GRIN2B: variants seen among roughly 807,000 people sequenced by gnomAD.
The protein encoded by GRIN2B is glutamate receptor ionotropic, NMDA 2B.
GRIN2B carries 5 observed loss-of-function variants against 114.5 expected under a neutral mutation model. The ratio of observed to expected loss-of-function variants is 0.04; its 90% CI spans 0.02 to 0.09. GRIN2B has a LOEUF of 0.09. Among genes scored for constraint, GRIN2B ranks in the 10% least tolerant of loss-of-function variants. GRIN2B has a pLI of 1.00. For missense variants in GRIN2B, 1,108 were observed against 1,943.5 expected (o/e 0.57, Z 8.08); for synonymous variants, 787 against 745.1 (o/e 1.06, Z -0.92).
chr12:13,868,067 A>G (rs1052410089), intron 2 of GRIN2B, among the ~76,000 whole-genome samples: 1 of 152,174 alleles, frequency 6.6e-6, no homozygotes, highest in Non-Finnish European at 1.5e-5. Flanking sequence ...TTGTGGCTGA[A>G]GAAGCACAAA....
At chr12:13,849,246 G>A (rs776110094) in intron 3 of GRIN2B, among the ~76,000 whole-genome samples, 18 of 152,226 alleles carry the variant, frequency 1.2e-4, no homozygotes, top group East Asian at 5.8e-4. Context: ...AGAGCAGCCC[G>A]GTCTTGAGTC....
At chr12:13,833,518 A>C (rs1159812634) in intron 3 of GRIN2B, among the ~76,000 whole-genome samples, 3 of 152,184 alleles carry the variant, frequency 2.0e-5, no homozygotes, top group African/African-American at 7.2e-5. Flanking sequence ...TGTTCTCATT[A>C]GTTTTCCTGA....
At chr12:13,636,493 G>A (rs1328225875) in intron 5 of GRIN2B, among the ~76,000 whole-genome samples, 3 of 152,194 alleles carry the variant, frequency 2.0e-5, no homozygotes, top group African/African-American at 7.2e-5. Flanking sequence ...CAAAAGACAA[G>A]GGAACAGGTG....
intron 4 of GRIN2B, 69 bp from the exon 5 acceptor site, chr12:13,675,928 A>G (rs1302082237): frequency 7.0e-6 from 6 of 862,132 alleles, no homozygotes; most frequent in African/African-American, 3.3e-5. Flanking sequence ...GCAGTCAGGT[A>G]TATAGAGAGA....
At chr12:13,894,267 G>C (rs1222535655) in intron 2 of GRIN2B, among the ~76,000 whole-genome samples, 57 of 152,070 alleles carry the variant, frequency 3.7e-4, no homozygotes, top group Non-Finnish European at 1.5e-5. Flanking sequence ...GGCAGAAAAA[G>C]CTTTATATAC....
intron 4 of GRIN2B, among the ~76,000 whole-genome samples, chr12:13,708,508 C>T (rs1027152135): frequency 5.3e-5 from 8 of 152,050 alleles, no homozygotes; most frequent in South Asian, 4.1e-4. Context: ...AGACCAACTG[C>T]CCCATGAAAT....
At chr12:13,599,635 G>A (rs1219527206) in intron 10 of GRIN2B, among the ~76,000 whole-genome samples, 2 of 152,112 alleles carry the variant, frequency 1.3e-5, no homozygotes, top group Non-Finnish European at 2.9e-5. Flanking sequence ...TAATTTTTTT[G>A]TTATTAATCA....
At chr12:13,728,866 T>G (rs1047542874) in intron 4 of GRIN2B, among the ~76,000 whole-genome samples, 1 of 152,204 alleles carries the variant, frequency 6.6e-6, no homozygotes, top group Non-Finnish European at 1.5e-5. Context: ...ATAATCACTT[T>G]CTTACTCATT....
intron 4 of GRIN2B, among the ~76,000 whole-genome samples, chr12:13,750,923 G>A (rs1863474138): frequency 6.6e-6 from 1 of 152,192 alleles, no homozygotes; most frequent in Non-Finnish European, 1.5e-5. Context: ...AGTACAAGAT[G>A]TAGTGAAGGC....
intron 3 of GRIN2B, among the ~76,000 whole-genome samples, chr12:13,815,008 C>T (rs1864790989): frequency 6.6e-6 from 1 of 152,056 alleles, no homozygotes; most frequent in South Asian, 2.1e-4. Context: ...TTTGTTTATA[C>T]TGTATCTTTG....
At chr12:13,661,041 G>C (rs1448014607) in intron 5 of GRIN2B, among the ~76,000 whole-genome samples, 1 of 152,154 alleles carries the variant, frequency 6.6e-6, no homozygotes, top group Non-Finnish European at 1.5e-5. Flanking sequence ...TTCTGGCCCT[G>C]CCTTCATTTC....
At chr12:13,660,564 A>G (rs555657848) in intron 5 of GRIN2B, among the ~76,000 whole-genome samples, 2 of 152,302 alleles carry the variant, frequency 1.3e-5, no homozygotes, top group East Asian at 3.9e-4. Flanking sequence ...GAAAAGCAGA[A>G]ACACCACTGG....
intron 2 of GRIN2B, among the ~76,000 whole-genome samples, chr12:13,928,172 G>A (rs572256502): frequency 5.1e-4 from 78 of 151,670 alleles, no homozygotes; most frequent in African/African-American, 1.7e-3. Context: ...TTTGCCAGGC[G>A]TGGTGGCACG....
At chr12:13,750,252 G>A (rs1350584142) in intron 4 of GRIN2B, among the ~76,000 whole-genome samples, 1 of 152,208 alleles carries the variant, frequency 6.6e-6, no homozygotes, top group Non-Finnish European at 1.5e-5. Flanking sequence ...CTCTAGGACT[G>A]AGTAGGGCCA....
chr12:13,840,096 C>T (rs569079969), intron 3 of GRIN2B, among the ~76,000 whole-genome samples: 24 of 152,292 alleles, frequency 1.6e-4, no homozygotes, highest in African/African-American at 5.3e-4. Context: ...GTGTGTTTCA[C>T]TCCATCTCTA....
chr12:13,634,678 G>A (rs1949651787), intron 5 of GRIN2B, among the ~76,000 whole-genome samples: 1 of 152,172 alleles, frequency 6.6e-6, no homozygotes, highest in Non-Finnish European at 1.5e-5. Context: ...TGTATACCCA[G>A]AAAGGTGAAC....
At chr12:13,703,506 C>T (rs1466091685) in intron 4 of GRIN2B, among the ~76,000 whole-genome samples, 1 of 152,154 alleles carries the variant, frequency 6.6e-6, no homozygotes, top group South Asian at 2.1e-4. Context: ...CATCAATATG[C>T]AAATACAACA....
intron 2 of GRIN2B, among the ~76,000 whole-genome samples, chr12:13,939,774 C>T (rs1867203854): frequency 6.6e-6 from 1 of 151,852 alleles, no homozygotes; most frequent in Admixed American, 6.6e-5. Flanking sequence ...GGTTAAAATG[C>T]TTCTTGTACA....
intron 4 of GRIN2B, among the ~76,000 whole-genome samples, chr12:13,711,041 T>C (rs138009610): frequency 0.039 from 5,960 of 152,046 alleles, 161 homozygotes; most frequent in Non-Finnish European, 0.06. Context: ...TATAGACCAA[T>C]GGAACAGAAC....
Sources: allele counts gnomAD v4.1 joint callset (sites outside exome capture counted in the v4.1 genomes callset), GRCh38; gene constraint gnomAD v4.1.1; transcripts MANE v1.5; gene names NCBI Gene and HGNC (gene_info 2026-07-23, HGNC 2026-07-21).